FRMD3: variants seen among roughly 807,000 people sequenced by gnomAD.
FRMD3 encodes FERM domain-containing protein 3.
Under a neutral mutation model 70.2 loss-of-function variants are expected in FRMD3, and 33 were observed. The ratio of observed to expected loss-of-function variants is 0.47; its 90% CI spans 0.36 to 0.63. The LOEUF (loss-of-function observed/expected upper bound fraction) is 0.63, where lower values mean the gene tolerates loss of function less well. FRMD3 is among the 20% of genes least tolerant of loss of function. The pLI is 0.00. For synonymous variants in FRMD3, 279 were observed against 255.9 expected (o/e 1.09, Z -0.86); for missense variants, 632 against 711.4 (o/e 0.89, Z 1.27).
chr9:83,292,504 C>G (rs1001440435), intron 12 of FRMD3, among the ~76,000 whole-genome samples: 4 of 152,030 alleles, frequency 2.6e-5, no homozygotes, highest in African/African-American at 9.7e-5. Flanking sequence ...CAAACACACA[C>G]AGGAAGAAGC....
intron 1 of FRMD3, among the ~76,000 whole-genome samples, chr9:83,504,967 C>T (rs751105664): frequency 6.6e-6 from 1 of 152,166 alleles, no homozygotes; most frequent in Non-Finnish European, 1.5e-5. Context: ...CATCAAACAA[C>T]ACGCAATATT....
chr9:83,375,981 G>A (rs926775620), intron 2 of FRMD3, among the ~76,000 whole-genome samples: 2 of 151,976 alleles, frequency 1.3e-5, no homozygotes, highest in African/African-American at 4.8e-5. Flanking sequence ...CCAACATGGT[G>A]AAACCCCATC....
intron 1 of FRMD3, among the ~76,000 whole-genome samples, chr9:83,435,465 T>C (rs1282492728): frequency 6.6e-6 from 1 of 152,060 alleles, no homozygotes; most frequent in Non-Finnish European, 1.5e-5. Flanking sequence ...ACCACTGGCC[T>C]CACTAGGGCA....
At chr9:83,466,915 T>C (rs920627205) in intron 1 of FRMD3, among the ~76,000 whole-genome samples, 3 of 152,184 alleles carry the variant, frequency 2.0e-5, no homozygotes, top group Admixed American at 2.0e-4. Flanking sequence ...CCCAAAAAGA[T>C]GCTGGTTCTG....
At chr9:83,329,590 A>C (rs1836165827) in intron 6 of FRMD3, among the ~76,000 whole-genome samples, 1 of 152,212 alleles carries the variant, frequency 6.6e-6, no homozygotes, top group African/African-American at 2.4e-5. Flanking sequence ...GCCATGGCGC[A>C]TGATTTACAG....
intron 4 of FRMD3, among the ~76,000 whole-genome samples, chr9:83,344,266 AAC>A (rs1823874507): frequency 6.6e-6 from 1 of 152,146 alleles, no homozygotes; most frequent in Admixed American, 6.6e-5. Context: ...TTTAGAGTTT[AAC>A]TCTCAAAAAC....
intron 1 of FRMD3, among the ~76,000 whole-genome samples, chr9:83,469,012 A>G (rs1404207542): frequency 6.6e-6 from 1 of 152,378 alleles, no homozygotes; most frequent in East Asian, 1.9e-4. Context: ...CAGTACTGGA[A>G]TGCTCAGAGC....
chr9:83,399,095 G>A (rs1056460673), intron 1 of FRMD3, among the ~76,000 whole-genome samples: 1 of 152,190 alleles, frequency 6.6e-6, no homozygotes, highest in Admixed American at 6.5e-5. Context: ...TAAAGCTAGA[G>A]AAGTCAAAAG....
intron 12 of FRMD3, among the ~76,000 whole-genome samples, chr9:83,294,114 G>A (rs1335678338): frequency 6.6e-6 from 1 of 152,170 alleles, no homozygotes; most frequent in African/African-American, 2.4e-5. Context: ...TAAGAGGTGG[G>A]GCCTTCAGGA....
At chr9:83,450,878 A>G (rs1827633890) in intron 1 of FRMD3, among the ~76,000 whole-genome samples, 1 of 152,228 alleles carries the variant, frequency 6.6e-6, no homozygotes, top group South Asian at 2.1e-4. Context: ...ACACTATTCC[A>G]AATTGGAGGA....
intron 1 of FRMD3, among the ~76,000 whole-genome samples, chr9:83,505,362 A>C (rs1829158339): frequency 6.6e-6 from 1 of 152,224 alleles, no homozygotes. Context: ...AGGACACTGA[A>C]GGCTACATAA....
chr9:83,538,409 T>TCCCTC (rs1316069493), upstream of FRMD3: 2 of 433,788 alleles, frequency 4.6e-6, no homozygotes, highest in African/African-American at 4.1e-5. The surrounding 1 kb of genome is among the most constrained non-coding windows in gnomAD (Gnocchi z 4.7). Context: ...GGCGGGCGGG[T>TCCCTC]CCCTCCCTCT....
At chr9:83,505,241 A>AATCTG (rs1211849428) in intron 1 of FRMD3, among the ~76,000 whole-genome samples, 2 of 152,224 alleles carry the variant, frequency 1.3e-5, no homozygotes, top group African/African-American at 4.8e-5. Flanking sequence ...ATACAATATA[A>AATCTG]ATCTGTAAAC....
intron 1 of FRMD3, among the ~76,000 whole-genome samples, chr9:83,509,544 G>A (rs1564110205): frequency 6.6e-6 from 1 of 152,214 alleles, no homozygotes; most frequent in Non-Finnish European, 1.5e-5. Flanking sequence ...CCCAGGAGCA[G>A]CTCGTTTAAT....
intron 10 of FRMD3, among the ~76,000 whole-genome samples, chr9:83,303,725 C>T (rs1835009959): frequency 1.3e-5 from 2 of 152,206 alleles, no homozygotes. Context: ...ATTTACATAC[C>T]TTAAATTTCA....
chr9:83,344,798 G>C (rs556573508), intron 4 of FRMD3, among the ~76,000 whole-genome samples: 1 of 147,298 alleles, frequency 6.8e-6, no homozygotes, highest in African/African-American at 2.6e-5. Flanking sequence ...TGTATGAAAG[G>C]GTGTGTGTGC....
intron 1 of FRMD3, among the ~76,000 whole-genome samples, chr9:83,394,287 A>G (rs1825752995): frequency 6.6e-6 from 1 of 152,068 alleles, no homozygotes; most frequent in Non-Finnish European, 1.5e-5. Flanking sequence ...CAAAAGGCAA[A>G]TTCTCTCCCT....
At chr9:83,390,909 C>T (rs1207437025) in intron 1 of FRMD3, among the ~76,000 whole-genome samples, 1 of 152,150 alleles carries the variant, frequency 6.6e-6, no homozygotes, top group Non-Finnish European at 1.5e-5. Context: ...AGACCACTAC[C>T]ATTAACTCAG....
Position 83,538,221 on chromosome 9 carries a change from G to A in FRMD3, c.11C>T (p.Ser4Phe), listed in dbSNP as rs750389716. 1.0e-4 allele frequency: 165 copies of A among 1,576,600 alleles called. No homozygotes were observed. Among genetic ancestry groups the A allele is most frequent in the South Asian group, 9.7e-4 (85 of 87,284 alleles). The change falls in exon 1 of 14, where the codon TCC becomes TTC. Residue 4 changes from serine (S) to phenylalanine (F), a missense_variant. This residue lies in a region of FRMD3 where 208 missense variants were observed against 247.7 expected (regional missense o/e 0.84). Coordinates refer to ENST00000304195, the MANE Select transcript of FRMD3 (RefSeq NM_174938.6). The surrounding 1 kb of genome is among the most constrained non-coding windows in gnomAD (Gnocchi z 4.7). ...CCTGCCTCTCGGCACACAGTGGCAG[G>A]AGGCGAACATGCACCGCGGCCGTGG... MFA[S>F]CHCVPRGRRT...
Sources: gnomAD v4.1 joint callset for allele counts (sites outside exome capture counted in the v4.1 genomes callset) on GRCh38, gnomAD v4.1.1 for gene constraint, gnomAD v4.1.1 regional missense constraint, Gnocchi (gnomAD v3.1) non-coding constraint, MANE v1.5 for transcripts, NCBI Gene and HGNC (gene_info 2026-07-23, HGNC 2026-07-21) for gene names.